Variants in SDK1 observed in about 807,000 individuals in gnomAD.
SDK1 encodes the protein sidekick cell adhesion molecule 1.
In SDK1, 157 loss-of-function variants were observed where a neutral mutation model predicts 245.5. The observed-to-expected ratio is 0.64, with a 90% CI of 0.56 to 0.73. SDK1 has a LOEUF of 0.73. Among genes scored for constraint, SDK1 ranks in the 30% least tolerant of loss-of-function variants. SDK1 has a pLI of 0.00. For synonymous variants in SDK1, 1,647 were observed against 1,278.5 expected, an observed-to-expected ratio of 1.29 and a Z score of -6.15; for missense variants, 3,583 against 3,002.3, an observed-to-expected ratio of 1.19 and a Z score of -4.52.
intron 1 of SDK1, among the ~76,000 whole-genome samples, chr7:3,546,277 G>C (rs1779221997): frequency 6.6e-6 from 1 of 152,186 alleles, no homozygotes; most frequent in Non-Finnish European, 1.5e-5. Context: ...ACTGGAAACA[G>C]AAAAGCATGG....
At chr7:3,497,935 C>A (rs932179021) in intron 1 of SDK1, among the ~76,000 whole-genome samples, 1 of 152,126 alleles carries the variant, frequency 6.6e-6, no homozygotes, top group Admixed American at 6.5e-5. Context: ...GATACTTTTT[C>A]CAAAGTTTCC....
chr7:4,165,785 C>T (rs1034883590), intron 32 of SDK1, among the ~76,000 whole-genome samples: 1 of 151,748 alleles, frequency 6.6e-6, no homozygotes, highest in African/African-American at 2.4e-5. Context: ...CCACCATGCC[C>T]AGCCTTGTGT....
intron 4 of SDK1, among the ~76,000 whole-genome samples, chr7:3,728,948 C>G (rs1053522040): frequency 6.6e-6 from 1 of 152,066 alleles, no homozygotes; most frequent in African/African-American, 2.4e-5. Flanking sequence ...AAAAAAATCT[C>G]TAGAAAAACT....
At position 4,221,252 on chromosome 7, in the gene SDK1, G is replaced by A. The variant is rs143694092; in HGVS notation, c.5715G>A (p.Ser1905=). Residue 1905 remains serine (S), a synonymous_variant, in exon 40 of 45, where the codon TCG becomes TCA. Transcript: ENST00000404826. The stretch of plus-strand genomic sequence containing the variant: ...TTTATCCCGCAGGATCCCCGGGCTC[G>A]CCTAGAGATGTCCTGGTCACCAAGT... ...TAGPAEGSPG[S]PRDVLVTKSA... 44 of 1,613,516 alleles carry A rather than the reference G, an allele frequency of 2.7e-5. No homozygotes were observed. Among genetic ancestry groups the A allele is most frequent in the South Asian group, 1.1e-4 (10 of 91,072 alleles).
At chr7:4,068,533 C>G (rs766588357) in intron 20 of SDK1, among the ~76,000 whole-genome samples, 3 of 151,952 alleles carry the variant, frequency 2.0e-5, no homozygotes, top group Non-Finnish European at 4.4e-5. Flanking sequence ...TCTGTCCCCT[C>G]CCCACCCTGC....
chr7:3,990,083 G>T (rs1373226767), intron 14 of SDK1, among the ~76,000 whole-genome samples: 1 of 152,260 alleles, frequency 6.6e-6, no homozygotes, highest in Non-Finnish European at 1.5e-5. Flanking sequence ...CCACACTTGG[G>T]CGTTGGTCTG....
chr7:3,560,437 A>T (rs1367215075), intron 1 of SDK1, among the ~76,000 whole-genome samples: 1 of 151,832 alleles, frequency 6.6e-6, no homozygotes, highest in Non-Finnish European at 1.5e-5. Flanking sequence ...GTTTTTTTTT[A>T]AACTTATATC....
intron 1 of SDK1, among the ~76,000 whole-genome samples, chr7:3,563,572 A>C (rs1779815774): frequency 6.6e-6 from 1 of 152,320 alleles, no homozygotes; most frequent in Non-Finnish European, 1.5e-5. Context: ...GCAACAATTG[A>C]CAGAATTGCA....
intron 4 of SDK1, among the ~76,000 whole-genome samples, chr7:3,748,194 T>G (rs1356574763): frequency 6.6e-6 from 1 of 152,106 alleles, no homozygotes; most frequent in Non-Finnish European, 1.5e-5. Context: ...TTAATCCTAA[T>G]TTTGAAAAGG....
chr7:3,529,950 A>G (rs1178670800), intron 1 of SDK1, among the ~76,000 whole-genome samples: 1 of 152,134 alleles, frequency 6.6e-6, no homozygotes, highest in Non-Finnish European at 1.5e-5. Context: ...GCAGAGAGGG[A>G]CAGGCCTGAA....
In SDK1 at chr7:3,944,131, A is replaced by C. The variant is rs542892303; in HGVS notation, c.848-6792A>C. ...GAGCACAACCAGTGTTTTTGTTAGG[A>C]GGAGGCAGCATTATGTAAAAGAAAG... On this transcript the variant is annotated intron_variant, in intron 5 of 44. Transcript: ENST00000404826. Among the ~76,000 whole-genome samples the C allele has an allele frequency of 5.3e-5, 8 of 152,350 alleles. No individual in the cohort carries two copies. In the South Asian group the frequency reaches 1.7e-3, roughly 32 times the overall value.
intron 1 of SDK1, among the ~76,000 whole-genome samples, chr7:3,520,935 A>G (rs1253933026): frequency 1.3e-5 from 2 of 152,212 alleles, no homozygotes; most frequent in Admixed American, 6.5e-5. Flanking sequence ...TTTGTAGGTC[A>G]TAAGTCTAGG....
intron 43 of SDK1, 52 bp from the exon 44 acceptor site, chr7:4,245,624 G>A: frequency 6.3e-7 from 1 of 1,597,408 alleles, no homozygotes. Context: ...AGTCCTCCGG[G>A]GAAGGGCGTC....
At chr7:3,630,345 A>G (rs900692849) in intron 2 of SDK1, among the ~76,000 whole-genome samples, 1 of 152,262 alleles carries the variant, frequency 6.6e-6, no homozygotes, top group African/African-American at 2.4e-5. Context: ...ATGATCATTT[A>G]TGTAGAAAAT....
At chr7:3,632,318 A>G (rs554931658) in intron 2 of SDK1, among the ~76,000 whole-genome samples, 1 of 152,348 alleles carries the variant, frequency 6.6e-6, no homozygotes, top group Admixed American at 6.5e-5. Context: ...TGTTTATTTT[A>G]GAGAAAATCA....
chr7:4,186,597 T>A (rs759051842), intron 35 of SDK1, among the ~76,000 whole-genome samples: 5 of 152,258 alleles, frequency 3.3e-5, no homozygotes, highest in Non-Finnish European at 5.9e-5. Flanking sequence ...TCGGCGGTCC[T>A]GGGGGCTTCT....
chr7:3,716,129 AAT>A (rs1491186242), intron 4 of SDK1, among the ~76,000 whole-genome samples: 204 of 151,780 alleles, frequency 1.3e-3, no homozygotes, highest in African/African-American at 4.7e-3. Flanking sequence ...AAAAAAAAAA[AAT>A]GAACAGAGGC....
At chr7:3,933,997 G>C (rs559997578) in intron 5 of SDK1, among the ~76,000 whole-genome samples, 1 of 152,288 alleles carries the variant, frequency 6.6e-6, no homozygotes, top group South Asian at 2.1e-4. Flanking sequence ...TGTTAAGAAA[G>C]TCTTCAAAAT....
intron 1 of SDK1, among the ~76,000 whole-genome samples, chr7:3,476,401 G>A (rs1010892566): frequency 6.6e-6 from 1 of 152,186 alleles, no homozygotes; most frequent in East Asian, 1.9e-4. Context: ...GGTAGTTCCA[G>A]TACTTCTTTT....
Sources: allele counts gnomAD v4.1 joint callset (sites outside exome capture counted in the v4.1 genomes callset), GRCh38; gene constraint gnomAD v4.1.1; transcripts MANE v1.5; gene names NCBI Gene and HGNC (gene_info 2026-07-23, HGNC 2026-07-21).